The following STXBP6 variants were observed in gnomAD, a reference collection of about 807,000 sequenced individuals.
The protein encoded by STXBP6 is syntaxin-binding protein 6.
STXBP6 carries 21 observed loss-of-function variants against 26.9 expected under a neutral mutation model. The ratio of observed to expected loss-of-function variants is 0.78; its 90% CI spans 0.55 to 1.12. STXBP6 has a LOEUF of 1.12. Ranked by LOEUF, STXBP6 falls within the 50% of genes most tolerant of loss-of-function variation. STXBP6 has a pLI of 0.00. For missense variants in STXBP6, 232 were observed against 257.9 expected (o/e 0.90, Z 0.69); for synonymous variants, 97 against 92.6 (o/e 1.05, Z -0.27).
At chr14:24,948,844 TATTA>T (rs1484540958) in intron 2 of STXBP6, among the ~76,000 whole-genome samples, 1 of 152,204 alleles carries the variant, frequency 6.6e-6, no homozygotes, top group Non-Finnish European at 1.5e-5. Context: ...TGTGACTGAT[TATTA>T]ATTTTCTCTA....
At chr14:24,973,005 C>T (rs2073944419) in intron 2 of STXBP6, among the ~76,000 whole-genome samples, 1 of 152,116 alleles carries the variant, frequency 6.6e-6, no homozygotes, top group Admixed American at 6.6e-5. Context: ...GCAGTCCCAG[C>T]TCTTGGGAGG....
intron 1 of STXBP6, among the ~76,000 whole-genome samples, chr14:24,992,409 A>T (rs1029217460): frequency 1.3e-5 from 2 of 152,266 alleles, no homozygotes; most frequent in East Asian, 3.9e-4. Flanking sequence ...TGAAGAAAAA[A>T]TAAGTAGGAA....
intron 4 of STXBP6, among the ~76,000 whole-genome samples, chr14:24,839,131 A>G (rs1252255330): frequency 6.6e-6 from 1 of 152,116 alleles, no homozygotes; most frequent in Non-Finnish European, 1.5e-5. Flanking sequence ...TGAAAGTTGC[A>G]TTGTCTGTCC....
At chr14:24,924,317 A>G (rs76566763) in intron 2 of STXBP6, among the ~76,000 whole-genome samples, 4,971 of 152,252 alleles carry the variant, frequency 0.033, 211 homozygotes, top group African/African-American at 0.11. Context: ...AAATGGCCCA[A>G]AAAAGTTCTT....
At position 25,037,077 on chromosome 14, in the gene STXBP6, A is replaced by G. The variant is rs76793859; in HGVS notation, c.-33+12801T>C. ...CAGACACAGCAAAGCCTACAGTAAG[A>G]CAGTCCTGGCAGAATGTGGCAGGAC... On this transcript the variant is annotated intron_variant, in intron 1 of 5. Coordinates refer to ENST00000323944, the MANE Select transcript of STXBP6 (RefSeq NM_001394410.1). Among the ~76,000 whole-genome samples, 653 of 152,258 alleles carry G rather than the reference A, an allele frequency of 4.3e-3. 6 individuals are homozygous for G. The highest frequency in any genetic ancestry group is 0.015 in the African/African-American group (627 of 41,542).
rs553214384 is a variant in STXBP6, at chr14:24,995,929, A to G, written c.-32-21079T>C. 4.3e-4 allele frequency among the ~76,000 whole-genome samples: 65 copies of G among 152,316 alleles called. 2 individuals carry two copies. The South Asian group carries it at 0.013, about 31-fold the overall frequency. On this transcript the variant is annotated intron_variant, in intron 1 of 5. Coordinates refer to ENST00000323944, the MANE Select transcript of STXBP6 (RefSeq NM_001394410.1). Reference sequence around the variant, plus strand: ...CACCAGATTTTAGAAACTGTATATTACAAATCTGAACACTGCTTTCAGAAC... The same window carrying G: ...CACCAGATTTTAGAAACTGTATATTGCAAATCTGAACACTGCTTTCAGAAC...
intron 2 of STXBP6, among the ~76,000 whole-genome samples, chr14:24,929,808 G>A (rs532422892): frequency 2.0e-5 from 3 of 152,302 alleles, no homozygotes; most frequent in South Asian, 2.1e-4. Flanking sequence ...TCAAGAGAAC[G>A]TGTTCCACTA....
chr14:24,958,764 T>C lies in STXBP6; in HGVS notation c.154+15901A>G, dbSNP rs1169900925. 2.0e-5 allele frequency among the ~76,000 whole-genome samples: 3 copies of C among 152,208 alleles called. No individual in the cohort carries two copies. In the East Asian group the frequency reaches 5.8e-4, roughly 29 times the overall value. On this transcript the variant is annotated intron_variant, in intron 2 of 5. Coordinates refer to ENST00000323944, the MANE Select transcript of STXBP6 (RefSeq NM_001394410.1). ...TTTTCTGTAATACTCTCCATTAGAA[T>C]GCAAAAACCAACAGAAGCCAAATTA...
chr14:24,976,506 C>T (rs963174856), intron 1 of STXBP6, among the ~76,000 whole-genome samples: 4 of 152,138 alleles, frequency 2.6e-5, no homozygotes, highest in African/African-American at 9.7e-5. Flanking sequence ...TTATCATCAC[C>T]ACCAGGTTCT....
intron 1 of STXBP6, among the ~76,000 whole-genome samples, chr14:25,036,822 C>T (rs906710207): frequency 3.4e-5 from 5 of 145,924 alleles, no homozygotes; most frequent in African/African-American, 1.3e-4. Context: ...CGCCACAGCA[C>T]TCCAGCCTGG....
At chr14:24,914,838 T>C (rs560442379) in intron 2 of STXBP6, among the ~76,000 whole-genome samples, 3 of 152,362 alleles carry the variant, frequency 2.0e-5, no homozygotes, top group East Asian at 1.9e-4. Flanking sequence ...ATTTCACTCA[T>C]ACATTTCCAA....
chr14:24,856,123 C>T (rs1411353201), intron 3 of STXBP6, 22 bp from the exon 4 acceptor site: 3 of 1,564,918 alleles, frequency 1.9e-6, no homozygotes, highest in African/African-American at 2.7e-5. Context: ...AATGAAATAA[C>T]TACTAATCTC....
At chr14:24,994,024 C>T (rs2074537339) in intron 1 of STXBP6, among the ~76,000 whole-genome samples, 1 of 152,202 alleles carries the variant, frequency 6.6e-6, no homozygotes, top group Non-Finnish European at 1.5e-5. Context: ...ATAGCCTCTG[C>T]TTCCACTATT....
At chr14:24,957,396 A>T (rs1024685066) in intron 2 of STXBP6, among the ~76,000 whole-genome samples, 3 of 152,226 alleles carry the variant, frequency 2.0e-5, no homozygotes, top group African/African-American at 7.2e-5. Context: ...ACTTGTCATC[A>T]CGATCCTAAT....
chr14:24,864,999 A>T (rs1450400641), intron 2 of STXBP6, among the ~76,000 whole-genome samples: 1 of 152,198 alleles, frequency 6.6e-6, no homozygotes, highest in African/African-American at 2.4e-5. Context: ...TAAAACCAAG[A>T]TCAACTACAT....
intron 1 of STXBP6, among the ~76,000 whole-genome samples, chr14:25,020,306 C>T (rs1174405453): frequency 2.0e-5 from 3 of 152,090 alleles, no homozygotes; most frequent in African/African-American, 7.2e-5. Flanking sequence ...ATTAAAGATA[C>T]ATTTTTTTCT....
intron 4 of STXBP6, among the ~76,000 whole-genome samples, chr14:24,840,785 T>G (rs10134275): frequency 0.28 from 42,202 of 151,944 alleles, 8,140 homozygotes; most frequent in East Asian, 0.56. Context: ...AGAAAAGAGG[T>G]GACTATCCTT....
intron 2 of STXBP6, among the ~76,000 whole-genome samples, chr14:24,865,891 T>C (rs1297100568): frequency 1.3e-5 from 2 of 152,122 alleles, no homozygotes; most frequent in Non-Finnish European, 2.9e-5. Context: ...ATACTATACA[T>C]GAAGTAGTGT....
intron 2 of STXBP6, among the ~76,000 whole-genome samples, chr14:24,863,288 T>C (rs1388914758): frequency 6.6e-6 from 1 of 151,606 alleles, no homozygotes. Flanking sequence ...AGGGAATGAA[T>C]TTTTTTTTAA....
Sources: gnomAD v4.1 joint callset for allele counts (sites outside exome capture counted in the v4.1 genomes callset) on GRCh38, gnomAD v4.1.1 for gene constraint, MANE v1.5 for transcripts, NCBI Gene and HGNC (gene_info 2026-07-23, HGNC 2026-07-21) for gene names.